The following TANC2 variants were observed in gnomAD, a reference collection of about 807,000 sequenced individuals.
The protein encoded by TANC2 is protein TANC2.
Under a neutral mutation model 210.5 loss-of-function variants are expected in TANC2, and 26 were observed. The ratio of observed to expected loss-of-function variants is 0.12; its 90% confidence interval spans 0.09 to 0.17. The LOEUF (loss-of-function observed/expected upper bound fraction) is 0.17. TANC2 is among the 10% of genes least tolerant of loss of function. The probability of loss-of-function intolerance (pLI) is 1.00; values close to 1 mark genes in which losing one functional copy is unlikely to be tolerated. For missense variants in TANC2, 2,129 were observed against 2,608.9 expected (o/e 0.82, Z 4.01); for synonymous variants, 931 against 967.1 (o/e 0.96, Z 0.69).
chr17:63,227,283 A>G (rs912271289), intron 7 of TANC2, among the ~76,000 whole-genome samples: 1 of 152,120 alleles, frequency 6.6e-6, no homozygotes, highest in African/African-American at 2.4e-5. Context: ...TGACTTTTTA[A>G]TAATCACCAT....
intron 7 of TANC2, among the ~76,000 whole-genome samples, chr17:63,237,249 A>T (rs955746814): frequency 7.9e-5 from 12 of 151,966 alleles, no homozygotes; most frequent in Non-Finnish European, 1.6e-4. Context: ...TTTCATGTAC[A>T]TGGCCATTTG....
chr17:63,401,572 A>G (rs1338622502), intron 19 of TANC2, among the ~76,000 whole-genome samples: 1 of 152,236 alleles, frequency 6.6e-6, no homozygotes, highest in East Asian at 1.9e-4. Context: ...GCAGATCACT[A>G]GAGCATCCTG....
intron 6 of TANC2, among the ~76,000 whole-genome samples, chr17:63,197,160 T>C (rs1474994433): frequency 6.6e-6 from 1 of 152,194 alleles, no homozygotes; most frequent in Non-Finnish European, 1.5e-5. Context: ...GGAAATTACA[T>C]CATAGCTTTC....
intron 2 of TANC2, among the ~76,000 whole-genome samples, chr17:63,059,456 G>A (rs940597344): frequency 1.3e-5 from 2 of 152,120 alleles, no homozygotes; most frequent in Non-Finnish European, 2.9e-5. Flanking sequence ...GAGCCCCAGT[G>A]CCTATACAGC....
chr17:63,342,482 C>A (rs2046264868), intron 12 of TANC2, among the ~76,000 whole-genome samples: 1 of 151,728 alleles, frequency 6.6e-6, no homozygotes, highest in Non-Finnish European at 1.5e-5. Flanking sequence ...CACAGTGATA[C>A]AAGGATCTAC....
At chr17:63,352,886 C>T (rs2046658931) in intron 13 of TANC2, among the ~76,000 whole-genome samples, 1 of 151,996 alleles carries the variant, frequency 6.6e-6, no homozygotes, top group South Asian at 2.1e-4. Context: ...TTCCCATCCT[C>T]CTAAAGCTTA....
intron 2 of TANC2, among the ~76,000 whole-genome samples, chr17:63,024,649 A>G (rs1261627354): frequency 6.6e-6 from 1 of 152,118 alleles, no homozygotes; most frequent in African/African-American, 2.4e-5. Flanking sequence ...GTATACACAC[A>G]TTTGCGTGTG....
At chr17:63,260,272 C>T (rs1176698249) in intron 8 of TANC2, among the ~76,000 whole-genome samples, 1 of 152,156 alleles carries the variant, frequency 6.6e-6, no homozygotes, top group Non-Finnish European at 1.5e-5. Flanking sequence ...CTGAATAGAT[C>T]AGGATTCAGC....
chr17:63,287,555 A>T (rs754879578), intron 9 of TANC2, among the ~76,000 whole-genome samples: 2 of 152,206 alleles, frequency 1.3e-5, no homozygotes, highest in Non-Finnish European at 2.9e-5. Context: ...ATTTGCAGAC[A>T]ATATGATCAG....
intron 5 of TANC2, among the ~76,000 whole-genome samples, chr17:63,190,588 GGAA>G (rs1416732546): frequency 6.6e-6 from 1 of 152,050 alleles, no homozygotes; most frequent in Non-Finnish European, 1.5e-5. Context: ...CAAAAATAAG[GGAA>G]GAAGGAAAGG....
chr17:63,239,148 TAA>T (rs200046501), intron 8 of TANC2, among the ~76,000 whole-genome samples: 68 of 124,368 alleles, frequency 5.5e-4, no homozygotes, highest in Non-Finnish European at 5.4e-4. Flanking sequence ...ACCTTGTCTC[TAA>T]AAAAAAAAAA....
chr17:63,374,888 A>G (rs908419017), intron 14 of TANC2, among the ~76,000 whole-genome samples: 2 of 152,174 alleles, frequency 1.3e-5, no homozygotes, highest in African/African-American at 2.4e-5. Flanking sequence ...TGGGATGGCC[A>G]GGGAGTGAGC....
chr17:63,108,105 G>A lies in TANC2; in HGVS notation c.322+8748G>A, dbSNP rs142680835. Among the ~76,000 whole-genome samples, 149 of 151,872 alleles carry A rather than the reference G, an allele frequency of 9.8e-4. 5 individuals are homozygous for A. Among genetic ancestry groups the A allele is most frequent in the African/African-American group, 3.1e-3 (126 of 41,152 alleles). ...CAGACCTTGGCCATGACCTTGAGCAGTAGGATATAAATAACTCCCACAAGC... is the reference window on the plus strand; with the variant it reads ...CAGACCTTGGCCATGACCTTGAGCAATAGGATATAAATAACTCCCACAAGC... On this transcript the variant is annotated intron_variant, in intron 4 of 27. Transcript: ENST00000689528.
In TANC2 at chr17:63,394,171, G is replaced by A. The variant is rs190820876; in HGVS notation, c.3052-1572G>A. 2.0e-4 allele frequency among the ~76,000 whole-genome samples: 30 copies of A among 152,260 alleles called. 1 individual carries two copies. In the East Asian group the frequency reaches 3.5e-3, roughly 18 times the overall value. On this transcript the variant is annotated intron_variant, in intron 17 of 27. Coordinates refer to ENST00000689528, the Ensembl canonical transcript of TANC2. ...TTGAGATGTTACTGAAAGGGAAAGC[G>A]ATCCCTTCTCCCCCATGTATTTATT...
At chr17:63,158,156 T>G (rs1424404177) in intron 5 of TANC2, among the ~76,000 whole-genome samples, 2 of 152,206 alleles carry the variant, frequency 1.3e-5, no homozygotes, top group Non-Finnish European at 2.9e-5. Flanking sequence ...ACAGAGAAGC[T>G]TGAGTTCAGT....
At chr17:63,357,150 A>G (rs1174757968) in intron 14 of TANC2, among the ~76,000 whole-genome samples, 1 of 152,234 alleles carries the variant, frequency 6.6e-6, no homozygotes, top group Non-Finnish European at 1.5e-5. Flanking sequence ...GGAAAAAGAA[A>G]CTAATGTAGA....
intron 4 of TANC2, among the ~76,000 whole-genome samples, chr17:63,104,261 C>G (rs970518763): frequency 6.6e-6 from 1 of 151,994 alleles, no homozygotes; most frequent in Non-Finnish European, 1.5e-5. Flanking sequence ...GCCCAGTGCT[C>G]CTTCCAAGAT....
At chr17:63,209,205 A>T (rs1244624475) in intron 7 of TANC2, among the ~76,000 whole-genome samples, 1 of 151,184 alleles carries the variant, frequency 6.6e-6, no homozygotes, top group Non-Finnish European at 1.5e-5. Context: ...TAGAGACAGG[A>T]TTTTAACATA....
intron 4 of TANC2, among the ~76,000 whole-genome samples, chr17:63,118,284 TATG>T (rs2038328634): frequency 6.6e-6 from 1 of 152,198 alleles, no homozygotes; most frequent in Non-Finnish European, 1.5e-5. Context: ...ATTTGCAAGT[TATG>T]ATATTTATTG....
Sources: allele counts gnomAD v4.1 joint callset (sites outside exome capture counted in the v4.1 genomes callset), GRCh38; gene constraint gnomAD v4.1.1; transcripts MANE v1.5; gene names NCBI Gene and HGNC (gene_info 2026-07-23, HGNC 2026-07-21).